The following C1orf21 variants were observed in gnomAD, a reference collection of about 807,000 sequenced individuals.
C1orf21 encodes the protein chromosome 1 open reading frame 21.
Under a neutral mutation model 18.7 loss-of-function variants are expected in C1orf21, and 3 were observed. The ratio of observed to expected loss-of-function variants is 0.16; its 90% CI spans 0.07 to 0.42. The LOEUF is 0.42. Ranked by LOEUF, C1orf21 falls within the 10% of genes least tolerant of loss-of-function variation. The pLI, the probability that C1orf21 is intolerant of heterozygous loss-of-function variation, is 0.99. For missense variants in C1orf21, 104 were observed against 143.6 expected (o/e 0.72, Z 1.41); for synonymous variants, 41 against 46.4 (o/e 0.88, Z 0.47).
intron 2 of C1orf21, among the ~76,000 whole-genome samples, chr1:184,504,899 A>C (rs1307583376): frequency 6.6e-6 from 1 of 152,138 alleles, no homozygotes; most frequent in African/African-American, 2.4e-5. Context: ...TTCTGTCTAA[A>C]TTGGTGGGGA....
intron 1 of C1orf21, among the ~76,000 whole-genome samples, chr1:184,401,794 A>G (rs1318098419): frequency 2.0e-5 from 3 of 151,030 alleles, no homozygotes; most frequent in African/African-American, 7.3e-5. Flanking sequence ...AAAAAAACCC[A>G]GGTGAAATTA....
intron 5 of C1orf21, among the ~76,000 whole-genome samples, chr1:184,614,942 C>T (rs573513122): frequency 1.3e-3 from 197 of 152,262 alleles, no homozygotes; most frequent in African/African-American, 4.4e-3. Flanking sequence ...GGACCAGTAG[C>T]GGTCCATGGC....
intron 3 of C1orf21, among the ~76,000 whole-genome samples, chr1:184,527,061 C>A (rs1191154319): frequency 1.3e-5 from 2 of 152,162 alleles, no homozygotes; most frequent in Non-Finnish European, 2.9e-5. Context: ...AATGGAGGGG[C>A]CCCCTTTATG....
intron 2 of C1orf21, among the ~76,000 whole-genome samples, chr1:184,494,347 A>G (rs913508567): frequency 1.3e-5 from 2 of 152,186 alleles, no homozygotes; most frequent in Admixed American, 6.5e-5. Flanking sequence ...ACTGCTCTGT[A>G]CACTGGCTTC....
At chr1:184,511,719 TCA>T (rs1658148942) in intron 3 of C1orf21, among the ~76,000 whole-genome samples, 1 of 152,080 alleles carries the variant, frequency 6.6e-6, no homozygotes, top group African/African-American at 2.4e-5. Flanking sequence ...TTTAACTGAG[TCA>T]CAGTTCCGCA....
At chr1:184,410,559 C>T (rs1412238768) in intron 1 of C1orf21, among the ~76,000 whole-genome samples, 1 of 119,126 alleles carries the variant, frequency 8.4e-6, no homozygotes, top group Non-Finnish European at 1.6e-5. Context: ...TCTTCTAATA[C>T]ATATATTCTT....
chr1:184,483,390 G>A (rs949926790), intron 2 of C1orf21, among the ~76,000 whole-genome samples: 2 of 152,178 alleles, frequency 1.3e-5, no homozygotes, highest in Non-Finnish European at 2.9e-5. Flanking sequence ...AACACATTTA[G>A]GCCTTATTAG....
chr1:184,576,861 T>A (rs777592872), intron 3 of C1orf21, among the ~76,000 whole-genome samples: 4 of 152,234 alleles, frequency 2.6e-5, no homozygotes, highest in Non-Finnish European at 4.4e-5. Flanking sequence ...TTAATTTGTC[T>A]TGCAAGGCCC....
intron 3 of C1orf21, among the ~76,000 whole-genome samples, chr1:184,529,916 T>C (rs1018654299): frequency 6.6e-6 from 1 of 152,234 alleles, no homozygotes; most frequent in Non-Finnish European, 1.5e-5. Flanking sequence ...CTGGTTCAGA[T>C]CATGGCTTTG....
intron 3 of C1orf21, chr1:184,568,395 A>G (rs1381131605): frequency 2.1e-6 from 1 of 469,468 alleles, no homozygotes; most frequent in Admixed American, 2.4e-5. Flanking sequence ...CGCTGTTCCC[A>G]GTCACTGGCA....
At chr1:184,438,640 G>C (rs911271241) in intron 1 of C1orf21, among the ~76,000 whole-genome samples, 2 of 152,172 alleles carry the variant, frequency 1.3e-5, no homozygotes, top group African/African-American at 4.8e-5. Flanking sequence ...TAATATGTTG[G>C]CACACTGAAA....
intron 2 of C1orf21, among the ~76,000 whole-genome samples, chr1:184,495,557 TC>T (rs1298250608): frequency 6.6e-6 from 1 of 151,792 alleles, no homozygotes; most frequent in African/African-American, 2.4e-5. Flanking sequence ...CTTCCCTCCC[TC>T]CCCCCACTAC....
intron 5 of C1orf21, among the ~76,000 whole-genome samples, chr1:184,612,525 A>C (rs534378223): frequency 1.3e-5 from 2 of 152,346 alleles, no homozygotes; most frequent in Non-Finnish European, 2.9e-5. Flanking sequence ...CAGGAGTTTG[A>C]GACTAGCCTG....
chr1:184,456,494 G>C (rs1366130180), intron 1 of C1orf21, among the ~76,000 whole-genome samples: 1 of 152,164 alleles, frequency 6.6e-6, no homozygotes, highest in Non-Finnish European at 1.5e-5. Flanking sequence ...ATATGAAATA[G>C]AAATTCGATG....
intron 3 of C1orf21, among the ~76,000 whole-genome samples, chr1:184,569,633 AATCACCTGAGGCCAGG>A (rs1355445217): frequency 1.3e-5 from 2 of 152,176 alleles, no homozygotes; most frequent in Non-Finnish European, 2.9e-5. Flanking sequence ...AAGGATGGAG[AATCACCTGAGGCCAGG>A]AGTTCGAGGA....
chr1:184,401,350 A>T (rs898270447), intron 1 of C1orf21, among the ~76,000 whole-genome samples: 4 of 151,972 alleles, frequency 2.6e-5, no homozygotes, highest in African/African-American at 9.7e-5. Flanking sequence ...CCTCCCCAGT[A>T]GCTGGGATTA....
At chr1:184,404,284 G>T (rs1465462367) in intron 1 of C1orf21, among the ~76,000 whole-genome samples, 1 of 152,170 alleles carries the variant, frequency 6.6e-6, no homozygotes, top group Admixed American at 6.5e-5. Flanking sequence ...TTTTCTCAGT[G>T]GAGTCCTTAG....
At chr1:184,520,659 A>G (rs1557992771) in intron 3 of C1orf21, among the ~76,000 whole-genome samples, 1 of 152,196 alleles carries the variant, frequency 6.6e-6, no homozygotes, top group Non-Finnish European at 1.5e-5. Flanking sequence ...TAAACCACCC[A>G]TAGCTAATGG....
At chr1:184,562,365 C>T (rs947511216) in intron 3 of C1orf21, among the ~76,000 whole-genome samples, 2 of 152,210 alleles carry the variant, frequency 1.3e-5, no homozygotes, top group African/African-American at 4.8e-5. Flanking sequence ...TATCTCTCCC[C>T]GTACCACAGG....
Sources: gnomAD v4.1 joint callset for allele counts (sites outside exome capture counted in the v4.1 genomes callset) on GRCh38, gnomAD v4.1.1 for gene constraint, MANE v1.5 for transcripts, NCBI Gene and HGNC (gene_info 2026-07-23, HGNC 2026-07-21) for gene names.